The following ATP10B variants were observed in gnomAD, a reference collection of about 807,000 sequenced individuals.
ATP10B encodes the protein ATPase phospholipid transporting 10B (putative).
A neutral mutation model predicts 141.2 loss-of-function variants in ATP10B; 122 were observed. The observed-to-expected ratio is 0.86, with a 90% CI of 0.75 to 1.00. The LOEUF (loss-of-function observed/expected upper bound fraction) is 1.00, where lower values mean the gene tolerates loss of function less well. Ranked by LOEUF, ATP10B falls within the 50% of genes least tolerant of loss-of-function variation. The pLI, the probability that ATP10B is intolerant of heterozygous loss-of-function variation, is 0.00. For synonymous variants in ATP10B, 685 were observed against 692.0 expected, an observed-to-expected ratio of 0.99 and a Z score of 0.16; for missense variants, 1,876 against 1,825.3, an observed-to-expected ratio of 1.03 and a Z score of -0.51.
chr5:160,893,762 G>C, the ATP10B span, among the ~76,000 whole-genome samples: 2 of 152,212 alleles, frequency 1.3e-5, no homozygotes, highest in Non-Finnish European at 2.9e-5. Flanking sequence ...ACACCTCCCA[G>C]CAGGGGTCGA....
chr5:160,745,424 A>G (rs1177886678), intron 2 of ATP10B, among the ~76,000 whole-genome samples: 1 of 152,226 alleles, frequency 6.6e-6, no homozygotes, highest in Admixed American at 6.5e-5. Context: ...CAACTGATGC[A>G]GTATTCAGGA....
intron 2 of ATP10B, among the ~76,000 whole-genome samples, chr5:160,754,081 G>A (rs1768346800): frequency 6.6e-6 from 1 of 152,174 alleles, no homozygotes; most frequent in South Asian, 2.1e-4. Flanking sequence ...TGGGCTTTGA[G>A]TCCAGATTTG....
chr5:160,876,521 G>A, the ATP10B span, among the ~76,000 whole-genome samples: 1 of 146,496 alleles, frequency 6.8e-6, no homozygotes, highest in Non-Finnish European at 1.5e-5. Context: ...CAGAAGGCAA[G>A]AAATAACTAA....
At chr5:160,861,558 A>G in the ATP10B span, among the ~76,000 whole-genome samples, 1 of 151,978 alleles carries the variant, frequency 6.6e-6, no homozygotes, top group Non-Finnish European at 1.5e-5. Flanking sequence ...ATGCATGAGG[A>G]GAAAGGGATT....
At chr5:160,914,815 C>T in the ATP10B span, among the ~76,000 whole-genome samples, 1 of 152,118 alleles carries the variant, frequency 6.6e-6, no homozygotes, top group Non-Finnish European at 1.5e-5. Flanking sequence ...GGAAGTTGCT[C>T]AGTGCTCCAT....
Position 160,640,583 on chromosome 5 carries a change from G to T in ATP10B, c.878C>A (p.Thr293Lys). Residue 293 changes from threonine (T) to lysine (K), a missense_variant, in exon 10 of 26, where the codon ACG becomes AAG. Transcript: ENST00000327245. ...VGIVIYAGHE[T>K]KAMLNNSGPR... is the part of the protein sequence containing the mutation. ...GCCACTGTTGTTCAGCATGGCTTTCGTCTCATGGCCTTTGAGAGAAAATGA... is the reference window on the plus strand; with the variant it reads ...GCCACTGTTGTTCAGCATGGCTTTCTTCTCATGGCCTTTGAGAGAAAATGA... 6.2e-7 allele frequency: 1 copy of T among 1,614,014 alleles called. No homozygotes were observed. The highest frequency in any genetic ancestry group is 8.5e-7 in the Non-Finnish European group (1 of 1,179,918).
the ATP10B span, among the ~76,000 whole-genome samples, chr5:160,865,247 T>A: frequency 1.3e-5 from 2 of 152,050 alleles, no homozygotes; most frequent in African/African-American, 4.8e-5. Context: ...TGGAAGAGAA[T>A]AGAGAACCCA....
At chr5:160,823,028 A>G (rs1298733324) in intron 1 of ATP10B, among the ~76,000 whole-genome samples, 3 of 130,852 alleles carry the variant, frequency 2.3e-5, no homozygotes, top group African/African-American at 8.3e-5. Context: ...ATATATATAT[A>G]TATATATAAA....
chr5:160,920,005 G>C, the ATP10B span, among the ~76,000 whole-genome samples: 2 of 152,212 alleles, frequency 1.3e-5, no homozygotes, highest in Non-Finnish European at 2.9e-5. Flanking sequence ...TAGAACTCGA[G>C]TTCCTGAGCT....
At chr5:160,849,617 T>TCACACA (rs1753670265) in intron 1 of ATP10B, among the ~76,000 whole-genome samples, 2 of 35,504 alleles carry the variant, frequency 5.6e-5, no homozygotes, top group Non-Finnish European at 1.8e-4. Context: ...GTACTGGCAA[T>TCACACA]TACACACACA....
intron 17 of ATP10B, among the ~76,000 whole-genome samples, chr5:160,614,928 C>T (rs1263579589): frequency 6.6e-6 from 1 of 152,136 alleles, no homozygotes; most frequent in Admixed American, 6.5e-5. Context: ...GCATTGTTTA[C>T]CCAGATTTTG....
chr5:160,775,422 T>C (rs757080182), intron 2 of ATP10B, among the ~76,000 whole-genome samples: 1 of 152,160 alleles, frequency 6.6e-6, no homozygotes, highest in Non-Finnish European at 1.5e-5. Flanking sequence ...CTAGTATATA[T>C]GTTTTTTAAC....
At chr5:160,681,615 G>A (rs1763405329) in intron 6 of ATP10B, among the ~76,000 whole-genome samples, 1 of 152,014 alleles carries the variant, frequency 6.6e-6, no homozygotes, top group South Asian at 2.1e-4. Flanking sequence ...TGCCCCCACT[G>A]CCCACCTCAA....
the ATP10B span, among the ~76,000 whole-genome samples, chr5:160,898,851 T>C: frequency 6.6e-6 from 1 of 152,066 alleles, no homozygotes; most frequent in African/African-American, 2.4e-5. Context: ...TGCAGGGACA[T>C]GGATGAAGCT....
intron 2 of ATP10B, among the ~76,000 whole-genome samples, chr5:160,772,298 T>C (rs562525357): frequency 1.6e-4 from 25 of 152,366 alleles, no homozygotes; most frequent in African/African-American, 5.5e-4. Flanking sequence ...CCTCAGATGA[T>C]GCCTGCAAAG....
intron 1 of ATP10B, among the ~76,000 whole-genome samples, chr5:160,812,061 G>GA (rs1773215225): frequency 2.6e-5 from 3 of 114,524 alleles, no homozygotes; most frequent in African/African-American, 9.5e-5. Context: ...AGAGAGAGAG[G>GA]GAGAGGGAGA....
chr5:160,565,472 T>C lies in ATP10B; in HGVS notation c.4367A>G (p.Gln1456Arg). Residue 1456 changes from glutamine to arginine, a missense_variant, in exon 26 of 26, where the codon CAG (glutamine) becomes CGG (arginine). Coordinates refer to ENST00000327245, the MANE Select transcript of ATP10B (RefSeq NM_025153.3). ...CSKRSSHRRS[Q>R]SSLTI The stretch of plus-strand genomic sequence containing the variant: ...AGCTCCTCATATGGTCAGTGAACTC[T>C]GGGATCGGCGATGGCTGCTCCTCTT... The C allele has an allele frequency of 1.9e-6, 3 of 1,614,096 alleles. No homozygotes were observed. Among genetic ancestry groups the C allele is most frequent in the South Asian group, 1.1e-5 (1 of 91,072 alleles).
rs138679580 is a variant in ATP10B, at chr5:160,814,654, G to C, written c.-575-28851C>G. ...AGAGAACACCACAAAGATACTCCAC[G>C]AGAAGAGCAAGTCCAAGACACATAA... On this transcript the variant is annotated intron_variant, in intron 1 of 25. Transcript: ENST00000327245. Among the ~76,000 whole-genome samples, 17 of 152,134 alleles carry C rather than the reference G, an allele frequency of 1.1e-4. No individual in the cohort carries two copies. In the East Asian group the frequency reaches 2.9e-3, roughly 26 times the overall value.
At chr5:160,757,587 CTTTG>C (rs1768716851) in intron 2 of ATP10B, among the ~76,000 whole-genome samples, 1 of 151,880 alleles carries the variant, frequency 6.6e-6, no homozygotes, top group African/African-American at 2.4e-5. Flanking sequence ...CTAGGGCTGG[CTTTG>C]TTTTTCACTT....
Sources: gnomAD v4.1 joint callset for allele counts (sites outside exome capture counted in the v4.1 genomes callset) on GRCh38, gnomAD v4.1.1 for gene constraint, MANE v1.5 for transcripts, NCBI Gene and HGNC (gene_info 2026-07-23, HGNC 2026-07-21) for gene names.